SPATS2L: variants seen among roughly 807,000 people sequenced by gnomAD.
SPATS2L encodes the protein SPATS2-like protein.
SPATS2L carries 30 observed loss-of-function variants against 59.6 expected under a neutral mutation model. The observed-to-expected ratio is 0.50, with a 90% CI of 0.38 to 0.68. SPATS2L has a LOEUF of 0.68. Ranked by LOEUF, SPATS2L falls within the 30% of genes least tolerant of loss-of-function variation. SPATS2L has a pLI of 0.00. For synonymous variants in SPATS2L, 252 were observed against 263.5 expected, an observed-to-expected ratio of 0.96 and a Z score of 0.42; for missense variants, 615 against 700.0, an observed-to-expected ratio of 0.88 and a Z score of 1.37.
At chr2:200,434,183 A>C (rs185092406) in intron 6 of SPATS2L, among the ~76,000 whole-genome samples, 35 of 152,192 alleles carry the variant, frequency 2.3e-4, no homozygotes, top group African/African-American at 4.8e-4. Context: ...AAAATAAAGG[A>C]GAACAATAAT....
intron 2 of SPATS2L, among the ~76,000 whole-genome samples, chr2:200,345,529 CA>C (rs1300961176): frequency 1.3e-5 from 2 of 152,152 alleles, no homozygotes; most frequent in East Asian, 3.8e-4. Context: ...GACTGCCCTG[CA>C]AAATGAAGGA....
chr2:200,434,030 G>T (rs2084113137), intron 6 of SPATS2L, among the ~76,000 whole-genome samples: 1 of 151,840 alleles, frequency 6.6e-6, no homozygotes, highest in Non-Finnish European at 1.5e-5. Flanking sequence ...GAATAAAGAA[G>T]CAAAAATCCT....
intron 6 of SPATS2L, among the ~76,000 whole-genome samples, chr2:200,431,814 A>G (rs1391300257): frequency 6.6e-6 from 1 of 152,210 alleles, no homozygotes. Context: ...TATTTCCCCC[A>G]AGAGGAGGGT....
intron 8 of SPATS2L, among the ~76,000 whole-genome samples, chr2:200,444,962 T>G (rs913177499): frequency 1.3e-5 from 2 of 152,100 alleles, no homozygotes; most frequent in African/African-American, 4.8e-5. Flanking sequence ...GTATCCTCCC[T>G]CTCAAAGTGA....
chr2:200,339,069 G>T (rs955154134), intron 2 of SPATS2L, among the ~76,000 whole-genome samples: 3 of 152,152 alleles, frequency 2.0e-5, no homozygotes, highest in African/African-American at 4.8e-5. Context: ...TCAGAAAGCC[G>T]TTCCTTAGAG....
intron 8 of SPATS2L, among the ~76,000 whole-genome samples, chr2:200,449,336 C>T (rs2085283424): frequency 6.6e-6 from 1 of 152,206 alleles, no homozygotes; most frequent in Non-Finnish European, 1.5e-5. Flanking sequence ...TAAATAGCAC[C>T]TCTTATTAAT....
intron 3 of SPATS2L, among the ~76,000 whole-genome samples, chr2:200,405,668 T>A (rs1479083096): frequency 1.3e-5 from 2 of 152,198 alleles, no homozygotes; most frequent in Non-Finnish European, 2.9e-5. Context: ...TTTTAAGGCA[T>A]CTCTGAATGG....
chr2:200,451,516 C>T (rs10191055), intron 8 of SPATS2L, among the ~76,000 whole-genome samples: 3 of 152,118 alleles, frequency 2.0e-5, no homozygotes, highest in African/African-American at 7.3e-5. Context: ...TATTGTATTC[C>T]TGCTCCATTT....
chr2:200,399,400 G>A (rs1473279783), intron 3 of SPATS2L, among the ~76,000 whole-genome samples: 1 of 152,132 alleles, frequency 6.6e-6, no homozygotes, highest in South Asian at 2.1e-4. Context: ...GCACATTGCA[G>A]GGTTTCCTTT....
rs539768093 is a variant in SPATS2L at position 200,438,791 on chromosome 2, A to G, written c.446-331A>G. 3.3e-5 allele frequency among the ~76,000 whole-genome samples: 5 copies of G among 152,204 alleles called. No individual in the cohort carries two copies. In the East Asian group the frequency reaches 5.8e-4, roughly 18 times the overall value. ...AGCCTTTACTGGAATAGCAGGGGGG[A>G]AAAGGCACTGCTCATCTTCTATAAG... On this transcript the variant is annotated intron_variant, in intron 6 of 12. Coordinates refer to ENST00000409140, the MANE Select transcript of SPATS2L (RefSeq NM_001100423.2).
chr2:200,368,839 C>T (rs1559073049), intron 2 of SPATS2L, among the ~76,000 whole-genome samples: 1 of 152,150 alleles, frequency 6.6e-6, no homozygotes, highest in Non-Finnish European at 1.5e-5. Flanking sequence ...ACTCCTAAAG[C>T]TCCTCAAACA....
At chr2:200,454,750 C>T (rs772855764) in intron 8 of SPATS2L, among the ~76,000 whole-genome samples, 1 of 152,100 alleles carries the variant, frequency 6.6e-6, no homozygotes, top group South Asian at 2.1e-4. Flanking sequence ...ATGTGAGGTC[C>T]GCGTGGATTT....
At chr2:200,315,885 CATG>C (rs2079357881) in intron 1 of SPATS2L, among the ~76,000 whole-genome samples, 1 of 141,692 alleles carries the variant, frequency 7.1e-6, no homozygotes, top group African/African-American at 2.6e-5. Flanking sequence ...AAGAGCCTGG[CATG>C]GTGGTGGGCA....
intron 3 of SPATS2L, among the ~76,000 whole-genome samples, chr2:200,407,193 A>G (rs1054809058): frequency 1.3e-5 from 2 of 151,788 alleles, no homozygotes; most frequent in Non-Finnish European, 3.0e-5. Context: ...CCATTTTTAC[A>G]TAGGCTCTAG....
At chr2:200,383,092 CCTCCAGAG>C (rs1404392929) in intron 2 of SPATS2L, among the ~76,000 whole-genome samples, 7 of 152,134 alleles carry the variant, frequency 4.6e-5, no homozygotes, top group Non-Finnish European at 8.8e-5. Context: ...CTGCCCCTGC[CCTCCAGAG>C]CTTCTCTTTC....
intron 4 of SPATS2L, among the ~76,000 whole-genome samples, chr2:200,413,178 T>C (rs1236056802): frequency 2.0e-5 from 3 of 152,222 alleles, no homozygotes; most frequent in African/African-American, 7.2e-5. Context: ...CTACTTGGCT[T>C]TATGACTGGA....
chr2:200,424,979 AAGC>A (rs1407074650), intron 6 of SPATS2L, among the ~76,000 whole-genome samples: 2 of 152,322 alleles, frequency 1.3e-5, no homozygotes, highest in Non-Finnish European at 2.9e-5. Flanking sequence ...CTGTACCACA[AAGC>A]AGGAACAGCC....
chr2:200,338,936 C>G (rs1357336745), intron 2 of SPATS2L, among the ~76,000 whole-genome samples: 3 of 152,220 alleles, frequency 2.0e-5, no homozygotes, highest in Admixed American at 6.5e-5. Flanking sequence ...GAAAGAACCT[C>G]AAAGCCAATG....
At chr2:200,325,331 A>G (rs1420472308) in intron 1 of SPATS2L, among the ~76,000 whole-genome samples, 1 of 152,168 alleles carries the variant, frequency 6.6e-6, no homozygotes, top group Non-Finnish European at 1.5e-5. Flanking sequence ...CATGTGAGCA[A>G]AGTGGCAGGT....
Sources: allele counts gnomAD v4.1 joint callset (sites outside exome capture counted in the v4.1 genomes callset), GRCh38; gene constraint gnomAD v4.1.1; transcripts MANE v1.5; gene names NCBI Gene and HGNC (gene_info 2026-07-23, HGNC 2026-07-21).